Variants in ADGRB3 observed in about 807,000 individuals in gnomAD.
The protein encoded by ADGRB3 is brain-specific angiogenesis inhibitor 3.
Under a neutral mutation model 193.4 loss-of-function variants are expected in ADGRB3, and 37 were observed. That is an observed-to-expected ratio of 0.19 (90% confidence interval 0.15 to 0.25). The LOEUF (loss-of-function observed/expected upper bound fraction) is 0.25, where lower values mean the gene tolerates loss of function less well. Ranked by LOEUF, ADGRB3 falls within the 10% of genes least tolerant of loss-of-function variation. ADGRB3 has a pLI of 1.00. For missense variants in ADGRB3, 1,637 were observed against 1,852.9 expected, an observed-to-expected ratio of 0.88 and a Z score of 2.14; for synonymous variants, 690 against 644.2, an observed-to-expected ratio of 1.07 and a Z score of -1.08.
chr6:69,154,871 A>G (rs1774788615), intron 17 of ADGRB3, among the ~76,000 whole-genome samples: 1 of 152,226 alleles, frequency 6.6e-6, no homozygotes, highest in Admixed American at 6.5e-5. Flanking sequence ...TTCAAGCAAC[A>G]GTTTTTAATT....
At position 68,922,126 on chromosome 6, in the gene ADGRB3, A is replaced by G. The variant is rs536073115; in HGVS notation, c.758-8433A>G. ...CAATATTTCATAAGCCTTTTATATC[A>G]GACTAGGGATAACAATAATGTTTTT... On this transcript the variant is annotated intron_variant, in intron 3 of 31. Coordinates refer to ENST00000370598, the MANE Select transcript of ADGRB3 (RefSeq NM_001704.3). Among the ~76,000 whole-genome samples the G allele has an allele frequency of 6.6e-5, 10 of 152,292 alleles. No individual in the cohort carries two copies. In the South Asian group the frequency reaches 1.9e-3, roughly 28 times the overall value.
chr6:69,132,740 A>G (rs954042541), intron 17 of ADGRB3, among the ~76,000 whole-genome samples: 2 of 152,046 alleles, frequency 1.3e-5, no homozygotes, highest in African/African-American at 4.8e-5. Flanking sequence ...GTTTTCTTCT[A>G]GGGTTTTTAT....
intron 12 of ADGRB3, 80 bp from the exon 13 acceptor site, chr6:69,018,310 TG>T: frequency 1.3e-6 from 1 of 799,844 alleles, no homozygotes; most frequent in Non-Finnish European, 2.0e-6. Context: ...TGTGATTTCA[TG>T]TAGTTTAAAA....
At position 69,048,294 on chromosome 6, in the gene ADGRB3, A is replaced by G. The variant is rs1022987277; in HGVS notation, c.2217A>G (p.Val739=). The change falls in exon 14 of 32, where the codon GTA becomes GTG. Residue 739 remains valine (V), a synonymous_variant. Coordinates refer to ENST00000370598, the MANE Select transcript of ADGRB3 (RefSeq NM_001704.3). ...GGGCAAGAAACTCAGAAGATAGGGT[A>G]GTAATTCCAAAAAGCATTTTCACTC... The part of the protein sequence containing the change: ...VDWARNSEDR[V]VIPKSIFTPV... 1.2e-6 allele frequency: 2 copies of G among 1,613,636 alleles called. No individual in the cohort carries two copies. The highest frequency in any genetic ancestry group is 1.7e-5 in the Admixed American group (1 of 59,994).
chr6:69,048,959 T>G (rs1037209207), intron 14 of ADGRB3, among the ~76,000 whole-genome samples: 2 of 151,446 alleles, frequency 1.3e-5, no homozygotes, highest in African/African-American at 4.8e-5. Flanking sequence ...ATGTCGACCT[T>G]AAAAGGTAAA....
At chr6:69,117,427 C>T (rs1773565913) in intron 17 of ADGRB3, among the ~76,000 whole-genome samples, 1 of 152,068 alleles carries the variant, frequency 6.6e-6, no homozygotes, top group Non-Finnish European at 1.5e-5. Context: ...GGCTCTCAGG[C>T]TATCAGGCAT....
intron 3 of ADGRB3, among the ~76,000 whole-genome samples, chr6:68,786,971 A>G (rs1030022712): frequency 7.9e-5 from 12 of 152,142 alleles, no homozygotes; most frequent in African/African-American, 2.7e-4. Flanking sequence ...TTATTGATGT[A>G]TAAGAATGCT....
At chr6:69,219,889 TG>T in intron 17 of ADGRB3, among the ~76,000 whole-genome samples, 1 of 152,128 alleles carries the variant, frequency 6.6e-6, no homozygotes, top group South Asian at 2.1e-4. Context: ...ATTATAGTAA[TG>T]GGTCTGCAGT....
intron 11 of ADGRB3, among the ~76,000 whole-genome samples, chr6:68,999,794 G>A (rs528563267): frequency 3.9e-5 from 6 of 152,170 alleles, no homozygotes; most frequent in African/African-American, 1.4e-4. Flanking sequence ...CTCTTTGAGA[G>A]ATTATTTTGT....
intron 13 of ADGRB3, among the ~76,000 whole-genome samples, chr6:69,020,571 C>G (rs1374434517): frequency 6.6e-6 from 1 of 151,994 alleles, no homozygotes. Context: ...TCAAAGCAGT[C>G]GAATGCTGCA....
chr6:69,310,843 A>AT (rs1450597264), intron 20 of ADGRB3, among the ~76,000 whole-genome samples: 1 of 151,628 alleles, frequency 6.6e-6, no homozygotes, highest in Non-Finnish European at 1.5e-5. Flanking sequence ...GGACTGAGCT[A>AT]TTTTTTTCCA....
chr6:68,871,138 G>C (rs560138525), intron 3 of ADGRB3, among the ~76,000 whole-genome samples: 2 of 152,196 alleles, frequency 1.3e-5, no homozygotes, highest in African/African-American at 2.4e-5. Flanking sequence ...AGACAGAAAT[G>C]ATAAAAAAAG....
intron 31 of ADGRB3, among the ~76,000 whole-genome samples, chr6:69,385,890 G>A (rs970728036): frequency 2.6e-5 from 4 of 151,988 alleles, no homozygotes; most frequent in African/African-American, 4.8e-5. Flanking sequence ...CACGCAGGAC[G>A]ATGAGTCGCT....
At chr6:69,133,775 A>T (rs1054660796) in intron 17 of ADGRB3, among the ~76,000 whole-genome samples, 1 of 151,558 alleles carries the variant, frequency 6.6e-6, no homozygotes, top group African/African-American at 2.4e-5. Context: ...TGAGATTTTG[A>T]TGCGCCCATC....
At chr6:68,933,156 A>C (rs6925646) in intron 4 of ADGRB3, among the ~76,000 whole-genome samples, 1,566 of 151,908 alleles carry the variant, frequency 0.01, 45 homozygotes, top group African/African-American at 0.036. Context: ...AAGATGGCTT[A>C]AGATATCCTA....
chr6:68,776,521 A>G (rs1359084425), intron 3 of ADGRB3, among the ~76,000 whole-genome samples: 2 of 152,150 alleles, frequency 1.3e-5, no homozygotes, highest in Non-Finnish European at 2.9e-5. Flanking sequence ...ATGTGCACCC[A>G]GACTACTTTC....
At position 68,647,983 on chromosome 6, in the gene ADGRB3, A is replaced by G. The variant is rs576918464; in HGVS notation, c.757+8551A>G. Among the ~76,000 whole-genome samples, 30 of 152,262 alleles carry G rather than the reference A, an allele frequency of 2.0e-4. 1 individual carries two copies. The South Asian group carries it at 5.8e-3, about 29-fold the overall frequency. ...AAAAATGGTTAGCATCAATTTGAGA[A>G]TTCTGATATTTTCATAAGGTAAAAT... On this transcript the variant is annotated intron_variant, in intron 3 of 31. Transcript: ENST00000370598.
intron 20 of ADGRB3, among the ~76,000 whole-genome samples, chr6:69,250,710 T>G (rs187588196): frequency 1.3e-5 from 2 of 152,292 alleles, no homozygotes; most frequent in South Asian, 2.1e-4. Context: ...TAATGGAAGC[T>G]TCACTTATTC....
At chr6:68,793,595 C>T (rs1028141751) in intron 3 of ADGRB3, among the ~76,000 whole-genome samples, 1 of 152,168 alleles carries the variant, frequency 6.6e-6, no homozygotes, top group African/African-American at 2.4e-5. Flanking sequence ...GTGGCACGAT[C>T]TCAGCTCACT....
Sources: gnomAD v4.1 joint callset for allele counts (sites outside exome capture counted in the v4.1 genomes callset) on GRCh38, gnomAD v4.1.1 for gene constraint, MANE v1.5 for transcripts, NCBI Gene and HGNC (gene_info 2026-07-23, HGNC 2026-07-21) for gene names.